The following GDPD1 variants were observed in gnomAD, a reference collection of about 807,000 sequenced individuals.
The protein encoded by GDPD1 is glycerophosphodiester phosphodiesterase domain containing 1.
A neutral mutation model predicts 45.1 loss-of-function variants in GDPD1; 28 were observed. That is an observed-to-expected ratio of 0.62 (90% CI 0.46 to 0.85). The LOEUF (loss-of-function observed/expected upper bound fraction) is 0.85, where lower values mean the gene tolerates loss of function less well. Among genes scored for constraint, GDPD1 ranks in the 40% least tolerant of loss-of-function variants. The pLI, the probability that GDPD1 is intolerant of heterozygous loss-of-function variation, is 0.00. For synonymous variants in GDPD1, 139 were observed against 131.4 expected, an observed-to-expected ratio of 1.06 and a Z score of -0.40; for missense variants, 256 against 364.8, an observed-to-expected ratio of 0.70 and a Z score of 2.43.
At chr17:59,269,486 C>G (rs946829012) in intron 7 of GDPD1, among the ~76,000 whole-genome samples, 3 of 135,146 alleles carry the variant, frequency 2.2e-5, no homozygotes, top group Non-Finnish European at 3.1e-5. Flanking sequence ...CCCCCCCCCC[C>G]AAAAAACACC....
chr17:59,231,995 G>A (rs891197587), intron 1 of GDPD1, among the ~76,000 whole-genome samples: 5 of 152,086 alleles, frequency 3.3e-5, no homozygotes, highest in Non-Finnish European at 5.9e-5. Flanking sequence ...TTGGAAATCA[G>A]TGAATAAAGA....
chr17:59,273,250 C>G (rs995053782), intron 9 of GDPD1, among the ~76,000 whole-genome samples: 7 of 151,870 alleles, frequency 4.6e-5, no homozygotes, highest in Non-Finnish European at 1.0e-4. Context: ...GCCTCAGCCT[C>G]CTAAGTAGCT....
At chr17:59,239,117 A>G (rs974529824) in intron 2 of GDPD1, among the ~76,000 whole-genome samples, 5 of 152,234 alleles carry the variant, frequency 3.3e-5, no homozygotes, top group African/African-American at 1.2e-4. Flanking sequence ...CTAGAAGTGT[A>G]AGTTGGCAGA....
intron 7 of GDPD1, among the ~76,000 whole-genome samples, chr17:59,269,654 T>A (rs2047429883): frequency 6.6e-6 from 1 of 151,768 alleles, no homozygotes; most frequent in Non-Finnish European, 1.5e-5. Flanking sequence ...GAAACTCCCA[T>A]CTCTACTAAA....
At chr17:59,251,157 G>A (rs2047250250) in intron 4 of GDPD1, among the ~76,000 whole-genome samples, 1 of 152,160 alleles carries the variant, frequency 6.6e-6, no homozygotes, top group Non-Finnish European at 1.5e-5. Context: ...CTCTATCTTA[G>A]CAGACCAGTG....
At chr17:59,247,456 C>T (rs1241494825) in intron 3 of GDPD1, among the ~76,000 whole-genome samples, 1 of 152,094 alleles carries the variant, frequency 6.6e-6, no homozygotes, top group Non-Finnish European at 1.5e-5. Flanking sequence ...TCCAGAATGT[C>T]ATATAGTTGG....
At position 59,275,286 on chromosome 17, in the gene GDPD1, G is replaced by A. The variant is rs976088092; in HGVS notation, c.*1513G>A. The A allele has an allele frequency of 2.9e-6, 3 of 1,024,554 alleles. No homozygotes were observed. The highest frequency in any genetic ancestry group is 3.2e-5 in the African/African-American group (2 of 62,424). The allele number at this position is 1,024,554 out of a possible 1,614,324, so 63.5% of individuals were successfully genotyped here. A position where few individuals can be genotyped will look rare whatever the true frequency, so the allele number is the denominator to read the frequency against. ...TTATTTGGCAAGTTATACATAATCA[G>A]CAGCAGCCAGGCTCAAGAAAATAAA... On this transcript the variant is annotated 3_prime_UTR_variant, in exon 10 of 10. Transcript: ENST00000284116.
intron 2 of GDPD1, among the ~76,000 whole-genome samples, chr17:59,235,867 T>C (rs541189712): frequency 1.1e-4 from 17 of 148,520 alleles, no homozygotes; most frequent in African/African-American, 4.2e-4. Context: ...GACCATGAAA[T>C]GGACTATTTT....
rs535814465 is a variant in GDPD1, at chr17:59,268,820, G to A, written c.710+1646G>A. 4.8e-3 allele frequency among the ~76,000 whole-genome samples: 724 copies of A among 152,206 alleles called. 7 individuals are homozygous for A. The highest frequency in any genetic ancestry group is 0.014 in the Middle Eastern group (4 of 294). ...ACATTTTGGGAGGCCGAGGCAGGAGGATCACGAGGTCAGGAGTTTGAGACC... is the reference window on the plus strand; with the variant it reads ...ACATTTTGGGAGGCCGAGGCAGGAGAATCACGAGGTCAGGAGTTTGAGACC... On this transcript the variant is annotated intron_variant, in intron 7 of 9. Transcript: ENST00000284116.
At chr17:59,245,983 A>G (rs1388104554) in intron 3 of GDPD1, among the ~76,000 whole-genome samples, 1 of 151,832 alleles carries the variant, frequency 6.6e-6, no homozygotes, top group Admixed American at 6.6e-5. Context: ...TTAGCCAGAC[A>G]TGGTGGTGCC....
rs1397401159 is a variant in GDPD1 at position 59,220,521 on chromosome 17, C to G, written c.-89C>G. ...GCACCGGCTGGGGGCGAGCCGACCTCGAGCAGCCGCCGCCGCCGCCGTCGT... is the reference window on the plus strand; with the variant it reads ...GCACCGGCTGGGGGCGAGCCGACCTGGAGCAGCCGCCGCCGCCGCCGTCGT... On this transcript the variant is annotated 5_prime_UTR_variant, in exon 1 of 10. Transcript: ENST00000284116. The G allele has an allele frequency of 2.1e-6, 3 of 1,459,276 alleles. No homozygotes were observed. The highest frequency in any genetic ancestry group is 1.9e-5 in the Admixed American group (1 of 53,670). 90.4% of individuals were successfully genotyped at this position (1,459,276 alleles called of 1,614,324 possible).
Position 59,220,518 on chromosome 17 carries a change from C to T in GDPD1, c.-92C>T. 4.2e-6 allele frequency: 6 copies of T among 1,428,154 alleles called. No individual in the cohort carries two copies. Among genetic ancestry groups the T allele is most frequent in the Non-Finnish European group, 5.8e-6 (6 of 1,041,314 alleles). 88.5% of individuals were successfully genotyped at this position (1,428,154 alleles called of 1,614,324 possible). A position where few individuals can be genotyped will look rare whatever the true frequency, so the allele number is the denominator to read the frequency against. ...GTGGCACCGGCTGGGGGCGAGCCGA[C>T]CTCGAGCAGCCGCCGCCGCCGCCGT... On this transcript the variant is annotated 5_prime_UTR_variant, in exon 1 of 10. Transcript: ENST00000284116.
At chr17:59,233,511 C>CA (rs35485066) in intron 1 of GDPD1, among the ~76,000 whole-genome samples, 5,617 of 90,612 alleles carry the variant, frequency 0.062, 309 homozygotes, top group African/African-American at 0.12. Flanking sequence ...GACTCCGTCT[C>CA]AAAAAAAAAA....
chr17:59,235,704 C>G (rs1044165531), intron 2 of GDPD1, among the ~76,000 whole-genome samples: 1 of 151,836 alleles, frequency 6.6e-6, no homozygotes, highest in African/African-American at 2.4e-5. Flanking sequence ...GTAAGCCCAG[C>G]TACTCGGGAG....
At chr17:59,236,644 C>T (rs1159998482) in intron 2 of GDPD1, among the ~76,000 whole-genome samples, 1 of 151,980 alleles carries the variant, frequency 6.6e-6, no homozygotes, top group African/African-American at 2.4e-5. Context: ...TAGAGGTGCC[C>T]GCCACCTCTC....
chr17:59,256,634 TA>T (rs887560904), intron 4 of GDPD1, among the ~76,000 whole-genome samples: 20 of 152,306 alleles, frequency 1.3e-4, no homozygotes, highest in African/African-American at 4.8e-4. Context: ...TGACATCTTT[TA>T]AAAAATTATG....
At chr17:59,226,277 G>A (rs2047046648) in intron 1 of GDPD1, among the ~76,000 whole-genome samples, 1 of 151,554 alleles carries the variant, frequency 6.6e-6, no homozygotes, top group South Asian at 2.1e-4. Flanking sequence ...TATTTCCATA[G>A]TTTTAGATCA....
At chr17:59,245,650 T>A in intron 3 of GDPD1, 101 bp downstream of exon 3, 2 of 841,498 alleles carry the variant, frequency 2.4e-6, no homozygotes, top group Non-Finnish European at 3.6e-6. Flanking sequence ...TAATATTATT[T>A]AAATACTGAT....
Position 59,261,913 on chromosome 17 carries a change from C to CTTTTTTTTTTTTTTTTTTTTTTT in GDPD1, c.576+4095_576+4096insTTTTTTTTTTTTTTTTTTTTTTT, listed in dbSNP as rs58058526. On this transcript the variant is annotated intron_variant, in intron 6 of 9. Coordinates refer to ENST00000284116, the MANE Select transcript of GDPD1 (RefSeq NM_182569.4). ...TTTCCCAAAGTGCTGAGATTACAGG[C>CTTTTTTTTTTTTTTTTTTTTTTT]TTTTTTTTTTTTTTTTTTTTTTGAG... is the stretch of plus-strand genomic sequence containing the variant. Among the ~76,000 whole-genome samples the CTTTTTTTTTTTTTTTTTTTTTTT allele has an allele frequency of 2.5e-5, 2 of 79,334 alleles. 1 individual carries two copies. The highest frequency in any genetic ancestry group is 3.1e-4 in the Admixed American group (2 of 6,406). The allele number at this position is 79,334 out of a possible 152,430, so 52.0% of individuals were successfully genotyped here. A position where few individuals can be genotyped will look rare whatever the true frequency, so the allele number is the denominator to read the frequency against.
Sources: allele counts gnomAD v4.1 joint callset (sites outside exome capture counted in the v4.1 genomes callset), GRCh38; gene constraint gnomAD v4.1.1; transcripts MANE v1.5; gene names NCBI Gene and HGNC (gene_info 2026-07-23, HGNC 2026-07-21).